Variants in RNF19A observed in about 807,000 individuals in gnomAD.
RNF19A encodes ring finger protein 19A, RBR E3 ubiquitin protein ligase.
A neutral mutation model predicts 75.7 loss-of-function variants in RNF19A; 32 were observed. That is an observed-to-expected ratio of 0.42 (90% CI 0.32 to 0.57). The LOEUF (loss-of-function observed/expected upper bound fraction) is 0.57, where lower values mean the gene tolerates loss of function less well. Ranked by LOEUF, RNF19A falls within the 20% of genes least tolerant of loss-of-function variation. The pLI, the probability that RNF19A is intolerant of heterozygous loss-of-function variation, is 0.10. For missense variants in RNF19A, 782 were observed against 1,036.3 expected, an observed-to-expected ratio of 0.75 and a Z score of 3.37; for synonymous variants, 335 against 345.2, an observed-to-expected ratio of 0.97 and a Z score of 0.33.
Position 100,318,338 on chromosome 8 carries a change from T to C in RNF19A, c.-242-4966A>G, listed in dbSNP as rs116670929. ...AAGATTTAAAAGGATGTATTTTATATACTTAACTCACTCTTGGCTTAAATT... is the reference window on the plus strand; with the variant it reads ...AAGATTTAAAAGGATGTATTTTATACACTTAACTCACTCTTGGCTTAAATT... On this transcript the variant is annotated intron_variant, in intron 1 of 3. Transcript: ENST00000519527. Among the ~76,000 whole-genome samples, 524 of 152,348 alleles carry C rather than the reference T, an allele frequency of 3.4e-3. 2 individuals carry two copies. The highest frequency in any genetic ancestry group is 0.012 in the African/African-American group (494 of 41,580).
At position 100,269,829 on chromosome 8, in the gene RNF19A, A is replaced by G. The variant is rs752459767; in HGVS notation, c.1028+40T>C. 2 of 1,460,224 alleles carry G rather than the reference A, an allele frequency of 1.4e-6. No homozygotes were observed. The highest frequency in any genetic ancestry group is 5.0e-5 in the East Asian group (2 of 39,626). 90.5% of individuals were successfully genotyped at this position (1,460,224 alleles called of 1,614,324 possible). On this transcript the variant is annotated intron_variant, in intron 4 of 9. Coordinates refer to ENST00000341084, the MANE Select transcript of RNF19A (RefSeq NM_183419.4). This position sits in a 1 kb window ranked among gnomAD's most constrained non-coding sequence, Gnocchi z 5.7. ...CAAGTTATTTTGTCTTACAATATAA[A>G]ATTACATTTACATATAAATAGCTCC...
In RNF19A at chr8:100,258,661, T is replaced by C. The variant is rs755293164; in HGVS notation, c.2412A>G (p.Ile804Met). The change falls in exon 10 of 10, where the codon ATA (isoleucine) becomes ATG (methionine). Residue 804 changes from isoleucine to methionine, a missense_variant. Physicochemically the swap from Ile to Met is conservative, Grantham distance 10. Transcript: ENST00000341084. This position sits in a 1 kb window ranked among gnomAD's most constrained non-coding sequence, Gnocchi z 4.3. ...HIAEEHGNNG[I>M]KPNVDLYFGD... ...CAAAATATAAATCAACATTAGGTTT[T>C]ATTCCATTGTTACCATGTTCTTCAG... 4 of 1,614,070 alleles carry C rather than the reference T, an allele frequency of 2.5e-6. No individual in the cohort carries two copies. Among genetic ancestry groups the C allele is most frequent in the Non-Finnish European group, 3.4e-6 (4 of 1,180,004 alleles).
chr8:100,323,033 C>T lies in RNF19A; in HGVS notation c.-242-9661G>A, dbSNP rs932751697. Among the ~76,000 whole-genome samples the T allele has an allele frequency of 6.6e-6, 1 of 152,062 alleles. No homozygotes were observed. The highest frequency in any genetic ancestry group is 2.4e-5 in the African/African-American group (1 of 41,388). On this transcript the variant is annotated intron_variant, in intron 1 of 3. Transcript: ENST00000519527. This position sits in a 1 kb window ranked among gnomAD's most constrained non-coding sequence, Gnocchi z 4.6. Reference sequence around the variant, plus strand: ...CACAGAGGCATGAAATGAGCACAGGCTGCCGAAAAATGTTGCCAATAGACT... The same window carrying T: ...CACAGAGGCATGAAATGAGCACAGGTTGCCGAAAAATGTTGCCAATAGACT...
Position 100,260,023 on chromosome 8 carries a change from A to C in RNF19A, c.1683-26T>G. On this transcript the variant is annotated intron_variant, in intron 8 of 9. Transcript: ENST00000341084. The surrounding 1 kb of genome is among the most constrained non-coding windows in gnomAD (Gnocchi z 4.1). ...CTTAAAGGGGGGTATGAAATCACCA[A>C]AATTATATTTAATATCAGCACTACT... The C allele has an allele frequency of 6.2e-7, 1 of 1,601,806 alleles. No homozygotes were observed.
In RNF19A at chr8:100,274,995, G is replaced by C; in HGVS notation, c.841C>G (p.Arg281Gly). Residue 281 changes from arginine (R) to glycine (G), a missense_variant, in exon 3 of 10, where the codon CGT (arginine) becomes GGT (glycine). Physicochemically the swap from Arg to Gly is moderately radical, Grantham distance 125 (BLOSUM62 -2). Coordinates refer to ENST00000341084, the MANE Select transcript of RNF19A (RefSeq NM_183419.4). ...TGACTATAACTAATGGATGAAGAAC[G>C]TATAGTTCTCAAACGTAAGCTCTGG... is the stretch of plus-strand genomic sequence containing the variant. Reference protein sequence around the residue: ...RAQSLRLRTIRSSSISYSQES... With the variant: ...RAQSLRLRTIGSSSISYSQES... The C allele has an allele frequency of 6.2e-7, 1 of 1,614,060 alleles. No homozygotes were observed. Among genetic ancestry groups the C allele is most frequent in the East Asian group, 2.2e-5 (1 of 44,872 alleles).
chr8:100,259,216 A>G lies in RNF19A; in HGVS notation c.1857T>C (p.Asp619=), dbSNP rs1175292899. The change falls in exon 10 of 10, where the codon GAT becomes GAC. Residue 619 remains aspartate (D), a synonymous_variant. Transcript: ENST00000341084. This position sits in a 1 kb window ranked among gnomAD's most constrained non-coding sequence, Gnocchi z 4.5. The stretch of plus-strand genomic sequence containing the variant: ...TGAATTTGGATGGCTTTGACTCAAT[A>G]TCTACTTGCACCTCCATACTGTTGC... ...KEGNSMEVQV[D]IESKPSKFRH... The G allele has an allele frequency of 1.2e-6, 2 of 1,613,098 alleles. No individual in the cohort carries two copies. The highest frequency in any genetic ancestry group is 1.7e-6 in the Non-Finnish European group (2 of 1,179,866).
intron 1 of RNF19A, among the ~76,000 whole-genome samples, chr8:100,306,573 G>A (rs1460568004): frequency 6.6e-6 from 1 of 152,034 alleles, no homozygotes; most frequent in African/African-American, 2.4e-5. Context: ...TTATCAAGAA[G>A]TGTTACTTTT....
intron 1 of RNF19A, among the ~76,000 whole-genome samples, chr8:100,335,942 T>C (rs747444634): frequency 1.4e-4 from 22 of 152,340 alleles, no homozygotes; most frequent in Non-Finnish European, 2.6e-4. Flanking sequence ...CCGCTTTCTA[T>C]ACTATGAACC....
At position 100,259,638 on chromosome 8, in the gene RNF19A, A is replaced by G. The variant is rs1819619894; in HGVS notation, c.1826+216T>C. On this transcript the variant is annotated intron_variant, in intron 9 of 9. Transcript: ENST00000341084. This position sits in a 1 kb window ranked among gnomAD's most constrained non-coding sequence, Gnocchi z 4.5. ...CCCAAAAAGGGATCTTGCATCCATT[A>G]GCAGTTAGTTACCATTCTTCCCTTT... Among the ~76,000 whole-genome samples the G allele has an allele frequency of 6.6e-6, 1 of 152,172 alleles. No individual in the cohort carries two copies. Among genetic ancestry groups the G allele is most frequent in the Non-Finnish European group, 1.5e-5 (1 of 68,034 alleles).
rs766534732 is a variant in RNF19A, at chr8:100,259,242, C to T, written c.1831G>A (p.Gly611Ser). 2 of 1,603,360 alleles carry T rather than the reference C, an allele frequency of 1.2e-6. No homozygotes were observed. The highest frequency in any genetic ancestry group is 1.7e-6 in the Non-Finnish European group (2 of 1,174,288). Residue 611 changes from glycine (G) to serine (S), a missense_variant, in exon 10 of 10, where the codon GGC (glycine) becomes AGC (serine). This residue lies in a region of RNF19A where 442 missense variants were observed against 541.6 expected (regional missense o/e 0.82). Transcript: ENST00000341084. The surrounding 1 kb of genome is among the most constrained non-coding windows in gnomAD (Gnocchi z 4.5). ...LNSYIPLDKE[G>S]NSMEVQVDIE... ...TCTACTTGCACCTCCATACTGTTGCCTTCTCTGAAATATAAGAGTAACAAA... is the reference window on the plus strand; with the variant it reads ...TCTACTTGCACCTCCATACTGTTGCTTTCTCTGAAATATAAGAGTAACAAA...
rs1463761899 is a variant in RNF19A at position 100,264,139 on chromosome 8, A to C, written c.1363T>G (p.Cys455Gly). 1.2e-6 allele frequency: 2 copies of C among 1,613,698 alleles called. No homozygotes were observed. Among genetic ancestry groups the C allele is most frequent in the Admixed American group, 3.3e-5 (2 of 59,974 alleles). ...GAGACTCCACAACCTCCGCTTCGAC[A>C]AAGAGAAATTGGAACTACGCCATAG... is the stretch of plus-strand genomic sequence containing the variant. The part of the protein sequence containing the change: ...YVYGVVPISL[C>G]RSGGCGVSAG... The change falls in exon 7 of 10, where the codon TGT (cysteine) becomes GGT (glycine). Residue 455 changes from cysteine to glycine, a missense_variant. Around this residue, in one of 7 missense-constraint regions of RNF19A, gnomAD observed 442 missense variants for 541.6 expected, o/e 0.82. Coordinates refer to ENST00000341084, the MANE Select transcript of RNF19A (RefSeq NM_183419.4). This position sits in a 1 kb window ranked among gnomAD's most constrained non-coding sequence, Gnocchi z 4.7.
chr8:100,306,693 C>T (rs1296914971), intron 1 of RNF19A, among the ~76,000 whole-genome samples: 2 of 152,162 alleles, frequency 1.3e-5, no homozygotes, highest in African/African-American at 4.8e-5. Flanking sequence ...TGGTTGAAGC[C>T]TACCACCATC....
chr8:100,290,004 C>A (rs1435180677), intron 1 of RNF19A, among the ~76,000 whole-genome samples: 1 of 152,146 alleles, frequency 6.6e-6, no homozygotes, highest in East Asian at 1.9e-4. Flanking sequence ...GACTCTCATA[C>A]AAAAGAGTAT....
chr8:100,272,381 AATT>A, intron 3 of RNF19A, among the ~76,000 whole-genome samples: 1 of 152,116 alleles, frequency 6.6e-6, no homozygotes, highest in East Asian at 1.9e-4. Flanking sequence ...AAAAACAACT[AATT>A]ATTATACCAA....
Position 100,329,636 on chromosome 8 carries a change from A to C in RNF19A, c.-243+6472T>G, listed in dbSNP as rs1822584868. Among the ~76,000 whole-genome samples, 1 of 152,228 alleles carries C rather than the reference A, an allele frequency of 6.6e-6. No individual in the cohort carries two copies. The highest frequency in any genetic ancestry group is 1.5e-5 in the Non-Finnish European group (1 of 68,030). Reference sequence around the variant, plus strand: ...AGCATGAATCCAAAGACAGACAACTAGGTTAAGAGAAGTCTGGAAACCATG... The same window carrying C: ...AGCATGAATCCAAAGACAGACAACTCGGTTAAGAGAAGTCTGGAAACCATG... On this transcript the variant is annotated intron_variant, in intron 1 of 3. Transcript: ENST00000519527. This position sits in a 1 kb window ranked among gnomAD's most constrained non-coding sequence, Gnocchi z 4.3.
At chr8:100,311,958 C>A (rs1477071813), upstream of RNF19A, among the ~76,000 whole-genome samples, 3 of 152,128 alleles carry the variant, frequency 2.0e-5, no homozygotes, top group African/African-American at 4.8e-5. Context: ...TATTAAAAAA[C>A]AAATACCTAT....
chr8:100,319,918 C>T (rs1822441408), intron 1 of RNF19A, among the ~76,000 whole-genome samples: 7 of 151,520 alleles, frequency 4.6e-5, no homozygotes, highest in Admixed American at 4.6e-4. Context: ...TCACTGCAAC[C>T]TCTGCCTCCC....
intron 1 of RNF19A, among the ~76,000 whole-genome samples, chr8:100,296,900 C>A (rs2130084115): frequency 6.6e-6 from 1 of 152,290 alleles, no homozygotes; most frequent in African/African-American, 2.4e-5. Flanking sequence ...CATGGCTAAA[C>A]AAAGTCTCCG....
At chr8:100,263,861 T>C (rs539601720) in intron 7 of RNF19A, among the ~76,000 whole-genome samples, 173 bp downstream of exon 7, 2 of 152,294 alleles carry the variant, frequency 1.3e-5, no homozygotes, top group South Asian at 4.1e-4. Context: ...CCCCCACCTC[T>C]TTCATCCATA....
Sources: allele counts gnomAD v4.1 joint callset (sites outside exome capture counted in the v4.1 genomes callset), GRCh38; gene constraint gnomAD v4.1.1; regional missense constraint gnomAD v4.1.1; non-coding constraint Gnocchi (gnomAD v3.1); transcripts MANE v1.5; gene names NCBI Gene and HGNC (gene_info 2026-07-23, HGNC 2026-07-21).